FAT3: variants seen among roughly 807,000 people sequenced by gnomAD.
The protein encoded by FAT3 is FAT atypical cadherin 3.
In FAT3, 95 loss-of-function variants were observed where a neutral mutation model predicts 310.2. The observed-to-expected ratio is 0.31, with a 90% CI of 0.26 to 0.36. The LOEUF is 0.36. FAT3 is among the 10% of genes least tolerant of loss of function. The pLI is 1.00. For missense variants in FAT3, 5,408 were observed against 5,715.6 expected (o/e 0.95, Z 1.74); for synonymous variants, 2,314 against 2,192.9 (o/e 1.06, Z -1.54).
chr11:92,737,193 G>T (rs1012350479), intron 4 of FAT3, among the ~76,000 whole-genome samples: 2 of 152,130 alleles, frequency 1.3e-5, no homozygotes, highest in African/African-American at 4.8e-5. Flanking sequence ...TCTCAGCAGA[G>T]GGGAAAGAAA....
At chr11:92,691,298 C>G (rs1943792292) in intron 3 of FAT3, among the ~76,000 whole-genome samples, 1 of 152,334 alleles carries the variant, frequency 6.6e-6, no homozygotes, top group East Asian at 1.9e-4. Flanking sequence ...CTCCTGGCCC[C>G]TAGACAGATG....
chr11:92,863,575 T>C (rs555384783), intron 21 of FAT3, among the ~76,000 whole-genome samples: 53 of 152,324 alleles, frequency 3.5e-4, no homozygotes, highest in African/African-American at 1.1e-3. Flanking sequence ...TTGAACAAAT[T>C]ACCTAGCTAC....
chr11:92,381,865 A>G (rs1949501219), intron 2 of FAT3, among the ~76,000 whole-genome samples: 1 of 152,218 alleles, frequency 6.6e-6, no homozygotes, highest in Non-Finnish European at 1.5e-5. Flanking sequence ...CGATGAGTGT[A>G]CCAGGTGTTA....
intron 3 of FAT3, among the ~76,000 whole-genome samples, chr11:92,647,981 A>G (rs1942227621): frequency 6.6e-6 from 1 of 152,136 alleles, no homozygotes; most frequent in South Asian, 2.1e-4. Flanking sequence ...CCTGGATTTC[A>G]GTAGGTTGAT....
intron 3 of FAT3, among the ~76,000 whole-genome samples, chr11:92,581,275 A>G (rs1480022612): frequency 6.6e-6 from 1 of 151,992 alleles, no homozygotes; most frequent in Non-Finnish European, 1.5e-5. Flanking sequence ...AGAGCCTTCC[A>G]TAACTTGCTC....
At position 92,857,279 on chromosome 11, in the gene FAT3, G is replaced by T. The variant is rs1322704683; in HGVS notation, c.11431G>T (p.Val3811Phe). The T allele has an allele frequency of 1.9e-6, 3 of 1,613,874 alleles. No homozygotes were observed. The African/African-American group carries it at 4.0e-5, about 22-fold the overall frequency. ...GCCGTGTCCAGGGGACATGCAGTGTGTCAGTTATGAAGCCAGCAGGAGACC... is the reference window on the plus strand; with the variant it reads ...GCCGTGTCCAGGGGACATGCAGTGTTTCAGTTATGAAGCCAGCAGGAGACC... ...EKPCPGDMQC[V>F]SYEASRRPFL... The change falls in exon 20 of 28, where the codon GTC becomes TTC. Residue 3811 changes from valine to phenylalanine, a missense_variant. Val to Phe is a conservative substitution (Grantham distance 50). Around this residue, in one of 5 missense-constraint regions of FAT3, gnomAD observed 4,588 missense variants for 4,809.8 expected, o/e 0.95. Coordinates refer to ENST00000525166, the MANE Select transcript of FAT3 (RefSeq NM_001367949.2).
At chr11:92,579,305 G>A (rs1168361741) in intron 3 of FAT3, among the ~76,000 whole-genome samples, 1 of 152,020 alleles carries the variant, frequency 6.6e-6, no homozygotes, top group Non-Finnish European at 1.5e-5. Flanking sequence ...AATATGGGAG[G>A]CAGATGGCAA....
At chr11:92,453,970 G>C (rs1321779101) in intron 2 of FAT3, among the ~76,000 whole-genome samples, 3 of 151,680 alleles carry the variant, frequency 2.0e-5, no homozygotes, top group Non-Finnish European at 2.9e-5. Flanking sequence ...CATATTTTCA[G>C]GTTACAGCCA....
intron 1 of FAT3, among the ~76,000 whole-genome samples, chr11:92,322,182 A>G (rs1947637069): frequency 6.6e-6 from 1 of 152,240 alleles, no homozygotes; most frequent in Non-Finnish European, 1.5e-5. Context: ...GAAAATAGAA[A>G]TAAAGCAAAT....
chr11:92,312,002 A>AG (rs1565218356), intron 1 of FAT3, among the ~76,000 whole-genome samples: 2 of 151,806 alleles, frequency 1.3e-5, no homozygotes, highest in Non-Finnish European at 2.9e-5. Flanking sequence ...GAAAAAAAAA[A>AG]CAAATACTTC....
At chr11:92,528,664 C>A (rs1365424896) in intron 3 of FAT3, among the ~76,000 whole-genome samples, 1 of 152,160 alleles carries the variant, frequency 6.6e-6, no homozygotes, top group Non-Finnish European at 1.5e-5. Flanking sequence ...GGATTACAGG[C>A]GTGAGCCACC....
chr11:92,873,629 A>G (rs1448280296), intron 22 of FAT3, among the ~76,000 whole-genome samples: 1 of 152,232 alleles, frequency 6.6e-6, no homozygotes, highest in African/African-American at 2.4e-5. Flanking sequence ...AATTGCTTAT[A>G]CCATTTCCAT....
intron 3 of FAT3, among the ~76,000 whole-genome samples, chr11:92,611,209 G>T (rs1417045430): frequency 3.3e-5 from 5 of 151,996 alleles, no homozygotes; most frequent in African/African-American, 9.7e-5. Flanking sequence ...CTGCAGCCTT[G>T]ACCTCCTGGG....
intron 3 of FAT3, among the ~76,000 whole-genome samples, chr11:92,582,331 C>T (rs1225273599): frequency 6.6e-6 from 1 of 151,940 alleles, no homozygotes; most frequent in African/African-American, 2.4e-5. Context: ...CCTCATTTTA[C>T]CCAGCTCCTA....
At chr11:92,481,521 G>A (rs1952227307) in intron 2 of FAT3, among the ~76,000 whole-genome samples, 1 of 152,150 alleles carries the variant, frequency 6.6e-6, no homozygotes, top group South Asian at 2.1e-4. Context: ...TCTAATTGAA[G>A]GTGGATTTGG....
intron 3 of FAT3, among the ~76,000 whole-genome samples, chr11:92,624,208 G>C (rs1036508768): frequency 6.6e-6 from 1 of 152,192 alleles, no homozygotes; most frequent in Admixed American, 6.5e-5. Flanking sequence ...GCCCTTGAAA[G>C]TGATGACACC....
At chr11:92,339,207 T>C (rs1198365778) in intron 1 of FAT3, among the ~76,000 whole-genome samples, 1 of 152,158 alleles carries the variant, frequency 6.6e-6, no homozygotes, top group African/African-American at 2.4e-5. Flanking sequence ...GGGTAGGACA[T>C]TTAGTAGCAT....
At chr11:92,505,579 G>T (rs1953075485) in intron 2 of FAT3, among the ~76,000 whole-genome samples, 1 of 152,086 alleles carries the variant, frequency 6.6e-6, no homozygotes, top group Non-Finnish European at 1.5e-5. Flanking sequence ...AACCAGTGGG[G>T]AGCTTACATT....
At chr11:92,327,003 A>C (rs1385892879) in intron 1 of FAT3, among the ~76,000 whole-genome samples, 1 of 152,182 alleles carries the variant, frequency 6.6e-6, no homozygotes, top group Non-Finnish European at 1.5e-5. Flanking sequence ...TCCTTTACTC[A>C]GTCACTTTTC....
Sources: allele counts gnomAD v4.1 joint callset (sites outside exome capture counted in the v4.1 genomes callset), GRCh38; gene constraint gnomAD v4.1.1; regional missense constraint gnomAD v4.1.1; transcripts MANE v1.5; gene names NCBI Gene and HGNC (gene_info 2026-07-23, HGNC 2026-07-21).